PCDHGB5: variants seen among roughly 807,000 people sequenced by gnomAD.
The protein encoded by PCDHGB5 is protocadherin gamma-B5.
A neutral mutation model predicts 62.9 loss-of-function variants in PCDHGB5; 48 were observed. The observed-to-expected ratio is 0.76, with a 90% CI of 0.61 to 0.97. The LOEUF is 0.97. Among genes scored for constraint, PCDHGB5 ranks in the 50% least tolerant of loss-of-function variants. The pLI, the probability that PCDHGB5 is intolerant of heterozygous loss-of-function variation, is 0.00. For synonymous variants in PCDHGB5, 474 were observed against 511.2 expected (o/e 0.93, Z 0.98); for missense variants, 1,118 against 1,198.6 (o/e 0.93, Z 0.99).
At chr5:141,419,570 G>T in intron 1 of PCDHGB5, 1 of 1,611,766 alleles carries the variant, frequency 6.2e-7, no homozygotes. Context: ...GGGTCCCGAC[G>T]GCTCCGCGCT....
intron 1 of PCDHGB5, among the ~76,000 whole-genome samples, chr5:141,464,397 C>T (rs1352852782): frequency 1.3e-5 from 2 of 150,158 alleles, no homozygotes; most frequent in Non-Finnish European, 3.0e-5. Context: ...TAATGAAGAA[C>T]CTGAGATATA....
chr5:141,403,707 T>C (rs2094445205), intron 1 of PCDHGB5: 2 of 1,613,778 alleles, frequency 1.2e-6, no homozygotes, highest in African/African-American at 2.7e-5. Flanking sequence ...GTTAAAGTCC[T>C]TGAGAACGTG....
At chr5:141,435,884 C>G (rs1020738994) in intron 1 of PCDHGB5, among the ~76,000 whole-genome samples, 9 of 152,070 alleles carry the variant, frequency 5.9e-5, no homozygotes, top group African/African-American at 1.9e-4. Flanking sequence ...ATTGGAAACC[C>G]CTTAGAGAAT....
rs7701363 is a variant in PCDHGB5 at position 141,400,302 on chromosome 5, T to C, written c.2175T>C (p.Pro725=). Residue 725 remains proline, a synonymous_variant, in exon 1 of 4, where the codon CCT becomes CCC. Transcript: ENST00000617380. The part of the protein sequence containing the change: ...SSPAAWSCFQ[P]GLCVKSGPVV... The stretch of plus-strand genomic sequence containing the variant: ...CTGCCGCCTGGAGCTGCTTCCAACC[T>C]GGTCTCTGTGTCAAGTCTGGACCTG... 17,655 of 1,614,082 alleles carry C rather than the reference T, an allele frequency of 0.011. 144 individuals are homozygous for C. Among genetic ancestry groups the C allele is most frequent in the Admixed American group, 0.034 (2,020 of 60,038 alleles).
Position 141,511,267 on chromosome 5 carries a change from C to T in PCDHGB5, c.*94C>T, listed in dbSNP as rs1223074819. 1.3e-6 allele frequency: 2 copies of T among 1,549,404 alleles called. No homozygotes were observed. Among genetic ancestry groups the T allele is most frequent in the Non-Finnish European group, 1.7e-6 (2 of 1,146,836 alleles). On this transcript the variant is annotated 3_prime_UTR_variant, in exon 4 of 4. Transcript: ENST00000617380. ...CCAGGCCTCAGAGTTTCAGGGCTAA[C>T]CCCCAGAATACTGGTAGGGGCCAAG...
Position 141,487,660 on chromosome 5 carries a change from T to C in PCDHGB5, c.2398-7147T>C. Reference sequence around the variant, plus strand: ...AACAAATGCTTGAGGGTTATTCTGATCCAGGCATATGGCTAGGCCATGTCC... The same window carrying C: ...AACAAATGCTTGAGGGTTATTCTGACCCAGGCATATGGCTAGGCCATGTCC... On this transcript the variant is annotated intron_variant, in intron 1 of 3. Coordinates refer to ENST00000617380, the MANE Select transcript of PCDHGB5 (RefSeq NM_018925.3). The surrounding 1 kb of genome is among the most constrained non-coding windows in gnomAD (Gnocchi z 5.0). The C allele has an allele frequency of 6.2e-7, 1 of 1,613,442 alleles. No homozygotes were observed. The highest frequency in any genetic ancestry group is 8.5e-7 in the Non-Finnish European group (1 of 1,179,710).
chr5:141,409,279 T>C, intron 1 of PCDHGB5: 1 of 1,613,972 alleles, frequency 6.2e-7, no homozygotes, highest in Non-Finnish European at 8.5e-7. Context: ...TTTTGGAGAA[T>C]TCACCTCCAG....
intron 1 of PCDHGB5, among the ~76,000 whole-genome samples, chr5:141,400,846 A>G (rs1273650139): frequency 6.6e-6 from 1 of 152,190 alleles, no homozygotes; most frequent in Non-Finnish European, 1.5e-5. Context: ...ACATGTTTAT[A>G]TTTTATTGTA....
intron 1 of PCDHGB5, among the ~76,000 whole-genome samples, chr5:141,455,904 TTTATTTA>T: frequency 6.8e-6 from 1 of 147,982 alleles, no homozygotes. Flanking sequence ...TATTTATTTA[TTTATTTA>T]TTTTGAGACG....
Position 141,409,216 on chromosome 5 carries a change from T to G in PCDHGB5, c.2397+8692T>G, listed in dbSNP as rs368791778. 9.9e-6 allele frequency: 16 copies of G among 1,613,886 alleles called. No individual in the cohort carries two copies. The African/African-American group carries it at 1.1e-4, about 11-fold the overall frequency. ...AGTGTAAAGTAATCATAGAAATCCT[T>G]GATGAAAACGACAACAGCCCAGAAA... is the stretch of plus-strand genomic sequence containing the variant. On this transcript the variant is annotated intron_variant, in intron 1 of 3. Coordinates refer to ENST00000617380, the MANE Select transcript of PCDHGB5 (RefSeq NM_018925.3).
intron 3 of PCDHGB5, among the ~76,000 whole-genome samples, chr5:141,505,697 C>T (rs540949327): frequency 1.4e-4 from 21 of 152,198 alleles, no homozygotes; most frequent in Admixed American, 7.2e-4. Context: ...TGGAGGAGAG[C>T]GAACAAGGAA....
chr5:141,512,942 C>T lies in PCDHGB5; in HGVS notation c.*1769C>T, dbSNP rs1596321854. 3.3e-5 allele frequency: 5 copies of T among 151,644 alleles called. No individual in the cohort carries two copies. The South Asian group carries it at 1.0e-3, about 32-fold the overall frequency. The allele number at this position is 151,644 out of a possible 1,614,324, so 9.4% of individuals were successfully genotyped here. On this transcript the variant is annotated 3_prime_UTR_variant, in exon 4 of 4. Transcript: ENST00000617380. Reference sequence around the variant, plus strand: ...TAATATTTATATGGCTTTTTTTCTTCGACAAAAAAATAATAAAACGTTTCT... The same window carrying T: ...TAATATTTATATGGCTTTTTTTCTTTGACAAAAAAATAATAAAACGTTTCT...
intron 1 of PCDHGB5, among the ~76,000 whole-genome samples, chr5:141,470,151 CT>C (rs746135943): frequency 7.2e-5 from 11 of 152,164 alleles, no homozygotes; most frequent in Non-Finnish European, 1.6e-4. Flanking sequence ...CATAGATCAT[CT>C]TATCAAATCA....
At chr5:141,430,575 A>G in intron 1 of PCDHGB5, 2 of 455,822 alleles carry the variant, frequency 4.4e-6, no homozygotes, top group East Asian at 3.5e-5. Flanking sequence ...AAAAGCGGAG[A>G]TCCTGCTCGC....
intron 1 of PCDHGB5, chr5:141,409,940 C>G: frequency 6.2e-7 from 1 of 1,613,236 alleles, no homozygotes. Flanking sequence ...TATGGTACCT[C>G]GCTCTGCAGA....
intron 1 of PCDHGB5, chr5:141,408,489 G>A: frequency 6.2e-7 from 1 of 1,614,076 alleles, no homozygotes; most frequent in Non-Finnish European, 8.5e-7. Flanking sequence ...GAGCAAATAT[G>A]CAAAGAGAGA....
chr5:141,422,968 C>T lies in PCDHGB5; in HGVS notation c.2397+22444C>T. 6.2e-7 allele frequency: 1 copy of T among 1,614,240 alleles called. No homozygotes were observed. Among genetic ancestry groups the T allele is most frequent in the South Asian group, 1.1e-5 (1 of 91,086 alleles). On this transcript the variant is annotated intron_variant, in intron 1 of 3. Coordinates refer to ENST00000617380, the MANE Select transcript of PCDHGB5 (RefSeq NM_018925.3). ...CTCCACTGGCGTGGAGCTGGCGCCC[C>T]GCTCTGCGGAACCTGGCTACCTGGT...
chr5:141,489,069 C>G lies in PCDHGB5; in HGVS notation c.2398-5738C>G. ...TCAAATTCAGCTCCCCTCCCCCCTGCCCACCCCCGCCACTCGGTGACTAAG... is the reference window on the plus strand; with the variant it reads ...TCAAATTCAGCTCCCCTCCCCCCTGGCCACCCCCGCCACTCGGTGACTAAG... On this transcript the variant is annotated intron_variant, in intron 1 of 3. Coordinates refer to ENST00000617380, the MANE Select transcript of PCDHGB5 (RefSeq NM_018925.3). The surrounding 1 kb of genome is among the most constrained non-coding windows in gnomAD (Gnocchi z 4.5). 6.4e-5 allele frequency: 18 copies of G among 281,056 alleles called. No homozygotes were observed. Among genetic ancestry groups the G allele is most frequent in the Middle Eastern group, 1.1e-3 (1 of 944 alleles). 17.4% of individuals were successfully genotyped at this position (281,056 alleles called of 1,614,324 possible).
At chr5:141,421,192 C>G (rs758345796) in intron 1 of PCDHGB5, 22 of 1,491,716 alleles carry the variant, frequency 1.5e-5, no homozygotes, top group Non-Finnish European at 1.9e-5. Flanking sequence ...AACCAACCAG[C>G]TCGAGAAACC....
Sources: gnomAD v4.1 joint callset for allele counts (sites outside exome capture counted in the v4.1 genomes callset) on GRCh38, gnomAD v4.1.1 for gene constraint, Gnocchi (gnomAD v3.1) non-coding constraint, MANE v1.5 for transcripts, NCBI Gene and HGNC (gene_info 2026-07-23, HGNC 2026-07-21) for gene names.